Variants in HIVEP3 observed in about 807,000 individuals in gnomAD.
HIVEP3 encodes HIVEP zinc finger 3, also known as transcription factor HIVEP3.
Under a neutral mutation model 152.8 loss-of-function variants are expected in HIVEP3, and 49 were observed. The ratio of observed to expected loss-of-function variants is 0.32; its 90% CI spans 0.26 to 0.41. HIVEP3 has a LOEUF of 0.41. Ranked by LOEUF, HIVEP3 falls within the 10% of genes least tolerant of loss-of-function variation. The pLI is 1.00. For synonymous variants in HIVEP3, 1,269 were observed against 1,289.0 expected, an observed-to-expected ratio of 0.98 and a Z score of 0.33; for missense variants, 2,790 against 3,103.3, an observed-to-expected ratio of 0.90 and a Z score of 2.40.
intron 1 of HIVEP3, among the ~76,000 whole-genome samples, chr1:41,971,108 T>G (rs1294284505): frequency 6.6e-6 from 1 of 152,264 alleles, no homozygotes; most frequent in Non-Finnish European, 1.5e-5. Context: ...CAGTTACAAC[T>G]GATTTAAGCC....
chr1:41,913,408 T>C (rs150157361), intron 1 of HIVEP3, among the ~76,000 whole-genome samples: 1 of 152,324 alleles, frequency 6.6e-6, no homozygotes, highest in African/African-American at 2.4e-5. Flanking sequence ...CTGATCTTTT[T>C]GTTTTTAAGA....
intron 5 of HIVEP3, among the ~76,000 whole-genome samples, chr1:41,564,765 TGAA>T (rs1403595556): frequency 6.6e-6 from 1 of 152,236 alleles, no homozygotes; most frequent in African/African-American, 2.4e-5. Context: ...GCATCTTCTC[TGAA>T]GAAGACCACA....
At chr1:41,688,710 C>A (rs1206605828) in intron 2 of HIVEP3, among the ~76,000 whole-genome samples, 1 of 152,260 alleles carries the variant, frequency 6.6e-6, no homozygotes, top group Admixed American at 6.5e-5. Context: ...GACAGAGAAG[C>A]ACCTCCAAGG....
intron 1 of HIVEP3, among the ~76,000 whole-genome samples, chr1:41,977,318 G>A (rs1045225757): frequency 1.3e-5 from 2 of 152,152 alleles, no homozygotes; most frequent in Non-Finnish European, 2.9e-5. Flanking sequence ...GGCTCCAGGT[G>A]GTTCTTCCCT....
intron 1 of HIVEP3, among the ~76,000 whole-genome samples, chr1:41,726,582 G>A (rs1025776267): frequency 6.6e-6 from 1 of 152,166 alleles, no homozygotes; most frequent in African/African-American, 2.4e-5. Flanking sequence ...TTTGAACTGG[G>A]GGAGTTGTGC....
In HIVEP3 at chr1:41,583,421, C is replaced by T. The variant is rs762357114; in HGVS notation, c.1377G>A (p.Thr459=). ...GCTTCGTGATGTGCTCGATCACCTG[C>T]GTCCGGGGTACAGACAAAGGCACCA... ...PSLVPLSVPR[T]QVIEHITKLI... Residue 459 remains threonine (T), a synonymous_variant, in exon 4 of 9, where the codon ACG becomes ACA. Coordinates refer to ENST00000372583, the MANE Select transcript of HIVEP3 (RefSeq NM_024503.5). The surrounding 1 kb of genome is among the most constrained non-coding windows in gnomAD (Gnocchi z 6.9). 38 of 1,613,702 alleles carry T rather than the reference C, an allele frequency of 2.4e-5. No homozygotes were observed. The highest frequency in any genetic ancestry group is 4.0e-5 in the African/African-American group (3 of 74,836).
chr1:41,617,633 A>G (rs1482278560), intron 3 of HIVEP3, among the ~76,000 whole-genome samples: 2 of 152,246 alleles, frequency 1.3e-5, no homozygotes, highest in Non-Finnish European at 2.9e-5. Flanking sequence ...AGGGACATTG[A>G]CAGTGCACAG....
intron 1 of HIVEP3, among the ~76,000 whole-genome samples, chr1:41,753,984 G>A (rs908700137): frequency 5.9e-5 from 9 of 151,900 alleles, no homozygotes; most frequent in African/African-American, 1.9e-4. Context: ...GGTGAGTGCC[G>A]ATGGAGACTA....
intron 2 of HIVEP3, among the ~76,000 whole-genome samples, chr1:41,646,486 A>C (rs1278938242): frequency 1.3e-5 from 2 of 152,200 alleles, no homozygotes; most frequent in Admixed American, 6.5e-5. Context: ...GGGCTTATGG[A>C]GAAGGATGGG....
chr1:41,782,731 CAAA>C (rs10714772), intron 1 of HIVEP3, among the ~76,000 whole-genome samples: 8 of 113,568 alleles, frequency 7.0e-5, no homozygotes, highest in Admixed American at 2.6e-4. Context: ...GACTCCATCT[CAAA>C]AAAAAAAAAA....
At chr1:41,545,719 CCAA>C (rs1358162695) in intron 5 of HIVEP3, among the ~76,000 whole-genome samples, 47 of 81,688 alleles carry the variant, frequency 5.8e-4, no homozygotes, top group Non-Finnish European at 7.1e-4. Context: ...ACCACCACCA[CCAA>C]TACCACTACC....
chr1:41,524,642 A>G (rs1212227293), intron 6 of HIVEP3, 93 bp downstream of exon 6: 3 of 1,204,056 alleles, frequency 2.5e-6, no homozygotes, highest in Non-Finnish European at 2.4e-6. Flanking sequence ...GCCCCCTGCA[A>G]AGAGGTCTGG....
At chr1:41,942,759 C>T (rs557599568) in intron 1 of HIVEP3, among the ~76,000 whole-genome samples, 15 of 152,156 alleles carry the variant, frequency 9.9e-5, no homozygotes, top group Non-Finnish European at 2.9e-5. Context: ...GAATAATTCT[C>T]AGACACAGAA....
chr1:41,931,696 T>C (rs980384941), intron 1 of HIVEP3, among the ~76,000 whole-genome samples: 5 of 152,046 alleles, frequency 3.3e-5, no homozygotes, highest in African/African-American at 9.7e-5. Context: ...TTTTGTTAGA[T>C]TTATATCTAA....
chr1:41,640,123 A>G (rs1052015217), intron 2 of HIVEP3, among the ~76,000 whole-genome samples: 1 of 152,128 alleles, frequency 6.6e-6, no homozygotes, highest in African/African-American at 2.4e-5. Context: ...GTTTTCAGGC[A>G]CTGCAGGGAC....
rs1175149576 is a variant in HIVEP3, at chr1:41,934,988, AG to A, written n.120-16465del. On this transcript the variant is annotated intron_variant and non_coding_transcript_variant, in intron 1 of 3. Transcript: ENST00000489103. ...GTCACCATTTAGTGAGAAATATGAC[AG>A]GCAACTAATTACTCAAAATTAGGCT... 7.2e-5 allele frequency among the ~76,000 whole-genome samples: 11 copies of A among 152,312 alleles called. No homozygotes were observed. In the East Asian group the frequency reaches 2.1e-3, roughly 29 times the overall value.
intron 1 of HIVEP3, among the ~76,000 whole-genome samples, chr1:41,851,459 C>A (rs150294017): frequency 1.3e-5 from 2 of 152,034 alleles, no homozygotes; most frequent in Admixed American, 1.3e-4. Flanking sequence ...CGTGCCACCA[C>A]ACCTGGCTAA....
intron 2 of HIVEP3, among the ~76,000 whole-genome samples, chr1:41,629,745 A>G (rs373595831): frequency 6.6e-6 from 1 of 152,202 alleles, no homozygotes; most frequent in East Asian, 1.9e-4. Flanking sequence ...CACCAGTCAG[A>G]ATGTCTATTA....
intron 5 of HIVEP3, among the ~76,000 whole-genome samples, chr1:41,571,781 C>T (rs1384036648): frequency 6.6e-6 from 1 of 152,154 alleles, no homozygotes; most frequent in Non-Finnish European, 1.5e-5. Flanking sequence ...GCGACAGGAA[C>T]AGGTCAGATT....
Sources: allele counts gnomAD v4.1 joint callset (sites outside exome capture counted in the v4.1 genomes callset), GRCh38; gene constraint gnomAD v4.1.1; non-coding constraint Gnocchi (gnomAD v3.1); transcripts MANE v1.5; gene names NCBI Gene and HGNC (gene_info 2026-07-23, HGNC 2026-07-21).